Variants in LRRC31 observed in about 807,000 individuals in gnomAD.
The protein encoded by LRRC31 is leucine rich repeat containing 31.
Under a neutral mutation model 46.7 loss-of-function variants are expected in LRRC31, and 35 were observed. The observed-to-expected ratio is 0.75, with a 90% CI of 0.57 to 0.99. The LOEUF (loss-of-function observed/expected upper bound fraction) is 0.99, where lower values mean the gene tolerates loss of function less well. Ranked by LOEUF, LRRC31 falls within the 50% of genes least tolerant of loss-of-function variation. The probability of loss-of-function intolerance (pLI) is 0.00; values close to 1 mark genes in which losing one functional copy is unlikely to be tolerated. For missense variants in LRRC31, 613 were observed against 626.1 expected (o/e 0.98, Z 0.22); for synonymous variants, 236 against 235.1 (o/e 1.00, Z -0.03).
intron 1 of LRRC31, 111 bp downstream of exon 1, chr3:169,869,522 A>G (rs1177038531): frequency 1.1e-6 from 1 of 889,162 alleles, no homozygotes; most frequent in East Asian, 2.8e-5. Flanking sequence ...ATACCCCATA[A>G]ATATATACAC....
chr3:169,861,823 A>G lies in LRRC31; in HGVS notation c.176-10T>C. On this transcript the variant is annotated splice_polypyrimidine_tract_variant and intron_variant, in intron 1 of 8. Transcript: ENST00000316428. Reference sequence around the variant, plus strand: ...GAACTGAGAGGCTTAGCTGTGTGATAAGCATAAAAAAGAATTTGCTGTTAA... The same window carrying G: ...GAACTGAGAGGCTTAGCTGTGTGATGAGCATAAAAAAGAATTTGCTGTTAA... The G allele has an allele frequency of 1.9e-6, 3 of 1,610,364 alleles. No homozygotes were observed. Among genetic ancestry groups the G allele is most frequent in the Non-Finnish European group, 2.5e-6 (3 of 1,178,546 alleles).
At chr3:169,849,568 G>A (rs1397879966) in intron 7 of LRRC31, among the ~76,000 whole-genome samples, 3 of 152,216 alleles carry the variant, frequency 2.0e-5, no homozygotes, top group African/African-American at 7.2e-5. Flanking sequence ...CTACTGAGGA[G>A]GCTGAGATGG....
intron 8 of LRRC31, among the ~76,000 whole-genome samples, chr3:169,842,299 A>T (rs1267798804): frequency 6.6e-6 from 1 of 152,190 alleles, no homozygotes; most frequent in Non-Finnish European, 1.5e-5. Context: ...GAAAAAATAT[A>T]AAAGTGACAA....
intron 6 of LRRC31, chr3:169,853,524 T>C: frequency 1.0e-6 from 1 of 985,824 alleles, no homozygotes; most frequent in Non-Finnish European, 1.2e-6. Context: ...AGATGTGGTA[T>C]TCATGTTATT....
chr3:169,866,160 T>A (rs955102445), intron 1 of LRRC31, among the ~76,000 whole-genome samples: 2 of 152,074 alleles, frequency 1.3e-5, no homozygotes, highest in African/African-American at 4.8e-5. Flanking sequence ...GAAAGAGCAT[T>A]ATGGCAGTGT....
intron 1 of LRRC31, among the ~76,000 whole-genome samples, chr3:169,866,647 G>A (rs1781340883): frequency 6.6e-6 from 1 of 152,218 alleles, no homozygotes; most frequent in East Asian, 1.9e-4. Context: ...ATGGAAGGGA[G>A]GGTAGGTATA....
At chr3:169,846,888 G>A (rs768686401) in intron 8 of LRRC31, among the ~76,000 whole-genome samples, 5 of 152,102 alleles carry the variant, frequency 3.3e-5, no homozygotes, top group South Asian at 2.1e-4. Context: ...GTTTGAGTGC[G>A]GTGCTTCCAA....
intron 1 of LRRC31, among the ~76,000 whole-genome samples, chr3:169,867,288 C>T (rs566003043): frequency 1.6e-4 from 21 of 128,664 alleles, no homozygotes; most frequent in African/African-American, 5.4e-4. Context: ...CTTGCTCTGT[C>T]GCCCAGACTG....
At chr3:169,861,518 C>G (rs1030819012) in intron 2 of LRRC31, 152 bp downstream of exon 2, 1 of 608,648 alleles carries the variant, frequency 1.6e-6, no homozygotes, top group Non-Finnish European at 2.5e-6. Flanking sequence ...GACTCCGTCT[C>G]AAAAAAAAAA....
chr3:169,867,047 G>GTTTTTTTTTTTTTTTTT (rs1560636105), intron 1 of LRRC31, among the ~76,000 whole-genome samples: 4 of 92,676 alleles, frequency 4.3e-5, no homozygotes, highest in South Asian at 2.6e-4. Flanking sequence ...GGTTTTTTTT[G>GTTTTTTTTTTTTTTTTT]TTTGTTTGTT....
At chr3:169,843,877 A>G (rs186378060) in intron 8 of LRRC31, among the ~76,000 whole-genome samples, 15 of 152,318 alleles carry the variant, frequency 9.8e-5, no homozygotes, top group Admixed American at 9.1e-4. Context: ...AAAAGACACT[A>G]TCAGAACTTG....
chr3:169,867,153 C>T (rs1211730850), intron 1 of LRRC31, among the ~76,000 whole-genome samples: 2 of 149,392 alleles, frequency 1.3e-5, no homozygotes, highest in African/African-American at 2.5e-5. Flanking sequence ...AAAATTCAAG[C>T]GATCCTCCCA....
At chr3:169,847,257 C>G (rs1276167719) in intron 8 of LRRC31, among the ~76,000 whole-genome samples, 1 of 152,230 alleles carries the variant, frequency 6.6e-6, no homozygotes, top group Non-Finnish European at 1.5e-5. Context: ...ACGATCTCAG[C>G]TCACTGCAAC....
Position 169,851,749 on chromosome 3 carries a change from C to A in LRRC31, c.1029G>T (p.Leu343Phe), listed in dbSNP as rs1299674031. ...CCATCTTTTTGTTGGCTGATAAATCCAATTCTTGAAGATTTGAAAGTAAAG... is the reference window on the plus strand; with the variant it reads ...CCATCTTTTTGTTGGCTGATAAATCAAATTCTTGAAGATTTGAAAGTAAAG... ...VIPLLSNLQE[L>F]DLSANKKMGS... Residue 343 changes from leucine (L) to phenylalanine (F), a missense_variant, in exon 7 of 9, where the codon TTG (leucine) becomes TTT (phenylalanine). Physicochemically the swap from Leu to Phe is conservative, Grantham distance 22. Transcript: ENST00000316428. The A allele has an allele frequency of 6.2e-7, 1 of 1,613,984 alleles. No homozygotes were observed. Among genetic ancestry groups the A allele is most frequent in the Non-Finnish European group, 8.5e-7 (1 of 1,180,024 alleles).
chr3:169,846,667 T>G (rs1244333470), intron 8 of LRRC31, among the ~76,000 whole-genome samples: 1 of 147,304 alleles, frequency 6.8e-6, no homozygotes, highest in East Asian at 2.0e-4. Context: ...AGAAAGAAAA[T>G]GCAGACATGC....
At chr3:169,848,514 T>C (rs540471112) in intron 7 of LRRC31, among the ~76,000 whole-genome samples, 1 of 152,308 alleles carries the variant, frequency 6.6e-6, no homozygotes, top group East Asian at 1.9e-4. Context: ...TGGAGTGCAG[T>C]GGCGCGATCT....
At chr3:169,861,475 C>A (rs944093497) in intron 2 of LRRC31, among the ~76,000 whole-genome samples, 195 bp downstream of exon 2, 1 of 150,548 alleles carries the variant, frequency 6.6e-6, no homozygotes, top group African/African-American at 2.5e-5. Flanking sequence ...AGCTGAGATG[C>A]GTCACTGCAC....
chr3:169,854,896 G>A lies in LRRC31; in HGVS notation c.908C>T (p.Pro303Leu), dbSNP rs753331732. Reference sequence around the variant, plus strand: ...ATGCTTTAGCATGACCAACTGAGCCGGCGAGTCTTCAAAACCTCCACCTAG... The same window carrying A: ...ATGCTTTAGCATGACCAACTGAGCCAGCGAGTCTTCAAAACCTCCACCTAG... ...KDLGGGFEDS[P>L]AQLVMLKHLQ... Residue 303 changes from proline to leucine, a missense_variant, in exon 6 of 9, where the codon CCG becomes CTG. Pro to Leu is a moderately conservative substitution (Grantham distance 98). Transcript: ENST00000316428. 44 of 1,613,396 alleles carry A rather than the reference G, an allele frequency of 2.7e-5. No individual in the cohort carries two copies. The highest frequency in any genetic ancestry group is 9.9e-5 in the South Asian group (9 of 91,070).
intron 6 of LRRC31, 49 bp downstream of exon 6, chr3:169,854,764 T>C (rs774179653): frequency 1.6e-5 from 23 of 1,448,632 alleles, no homozygotes; most frequent in Non-Finnish European, 2.2e-5. Flanking sequence ...TTTCCAAATA[T>C]AGGCCAAGAT....
Sources: allele counts gnomAD v4.1 joint callset (sites outside exome capture counted in the v4.1 genomes callset), GRCh38; gene constraint gnomAD v4.1.1; transcripts MANE v1.5; gene names NCBI Gene and HGNC (gene_info 2026-07-23, HGNC 2026-07-21).